Variants in NEK1 observed in about 807,000 individuals in gnomAD.
NEK1 encodes serine/threonine-protein kinase Nek1.
NEK1 carries 137 observed loss-of-function variants against 182.1 expected under a neutral mutation model. That is an observed-to-expected ratio of 0.75 (90% CI 0.65 to 0.87). The LOEUF (loss-of-function observed/expected upper bound fraction) is 0.87. NEK1 is among the 40% of genes least tolerant of loss of function. The pLI is 0.00. For missense variants in NEK1, 1,391 were observed against 1,494.4 expected (o/e 0.93, Z 1.14); for synonymous variants, 513 against 492.2 (o/e 1.04, Z -0.56).
chr4:169,467,294 G>A (rs925964118), intron 26 of NEK1, among the ~76,000 whole-genome samples: 1 of 151,852 alleles, frequency 6.6e-6, no homozygotes, highest in African/African-American at 2.4e-5. Context: ...GACTACACGG[G>A]GGATTCAACA....
At chr4:169,579,950 C>G (rs2150047620) in intron 11 of NEK1, among the ~76,000 whole-genome samples, 1 of 152,124 alleles carries the variant, frequency 6.6e-6, no homozygotes, top group East Asian at 1.9e-4. Context: ...AAACAATATA[C>G]CCTTCACGTA....
intron 27 of NEK1, among the ~76,000 whole-genome samples, chr4:169,446,772 G>A (rs564229527): frequency 3.3e-5 from 5 of 152,248 alleles, no homozygotes; most frequent in African/African-American, 9.6e-5. Flanking sequence ...GCATACTGAT[G>A]AATGCATAAG....
chr4:169,563,650 CCT>C (rs1763268105), intron 12 of NEK1, among the ~76,000 whole-genome samples: 2 of 152,088 alleles, frequency 1.3e-5, no homozygotes, highest in African/African-American at 2.4e-5. Context: ...ACAGCAAATC[CCT>C]CTGTCTTGTT....
intron 19 of NEK1, among the ~76,000 whole-genome samples, chr4:169,510,054 TTC>T (rs985387148): frequency 6.6e-6 from 1 of 152,172 alleles, no homozygotes; most frequent in Non-Finnish European, 1.5e-5. Context: ...AAAGTCTCTC[TTC>T]TCTTTCAGTA....
At chr4:169,421,866 G>T (rs1735537600) in intron 31 of NEK1, among the ~76,000 whole-genome samples, 1 of 152,260 alleles carries the variant, frequency 6.6e-6, no homozygotes, top group African/African-American at 2.4e-5. Flanking sequence ...AATCAGTAAA[G>T]ATGCAGAAGA....
At chr4:169,603,266 C>T (rs1396383103) in intron 2 of NEK1, among the ~76,000 whole-genome samples, 1 of 152,128 alleles carries the variant, frequency 6.6e-6, no homozygotes, top group Admixed American at 6.5e-5. Flanking sequence ...ACTAGGTACC[C>T]TCATTAACAC....
chr4:169,602,924 A>G (rs1770733658), intron 2 of NEK1, among the ~76,000 whole-genome samples: 1 of 152,164 alleles, frequency 6.6e-6, no homozygotes, highest in African/African-American at 2.4e-5. Context: ...AATACTGCAT[A>G]TACTTAATGT....
chr4:169,394,965 A>G (rs1178239582), intron 35 of NEK1, among the ~76,000 whole-genome samples: 1 of 152,208 alleles, frequency 6.6e-6, no homozygotes, highest in Non-Finnish European at 1.5e-5. Context: ...CAGATTTTCA[A>G]TATGATAAAA....
chr4:169,535,354 G>C (rs1758304514), intron 19 of NEK1, among the ~76,000 whole-genome samples: 1 of 151,590 alleles, frequency 6.6e-6, no homozygotes, highest in African/African-American at 2.4e-5. Flanking sequence ...ACCAATTTCT[G>C]AGATGGAAAA....
intron 13 of NEK1, 93 bp downstream of exon 13, chr4:169,562,044 A>C: frequency 8.5e-7 from 1 of 1,169,678 alleles, no homozygotes; most frequent in African/African-American, 1.6e-5. Context: ...GAAAGAAATA[A>C]GGAAAGGTTT....
chr4:169,449,594 C>A (rs1741310582), intron 27 of NEK1, among the ~76,000 whole-genome samples: 1 of 152,168 alleles, frequency 6.6e-6, no homozygotes, highest in African/African-American at 2.4e-5. Context: ...AGGGACCTGA[C>A]TATTAAAGGA....
Position 169,576,946 on chromosome 4 carries a change from T to C in NEK1, c.1002A>G (p.Pro334=), listed in dbSNP as rs1325931607. The C allele has an allele frequency of 7.5e-6, 12 of 1,607,128 alleles. No individual in the cohort carries two copies. The highest frequency in any genetic ancestry group is 1.0e-5 in the Non-Finnish European group (12 of 1,176,610). The change falls in exon 12 of 36, where the codon CCA becomes CCG. Residue 334 remains proline (P), a synonymous_variant. Transcript: ENST00000507142. ...ATCATACCTGTTTATGTTTTTGCAG[T>C]GGTTTCTTTTCGTGTAATTTTTTAT... ...YGDKKLHEKK[P]LQKHKQAHQT... is the part of the protein sequence containing the mutation.
Position 169,392,867 on chromosome 4 carries a change from C to G in NEK1, c.*1643G>C, listed in dbSNP as rs987310152. ...ATGCTTCCACATGTCAATTCCAACA[C>G]TTATAATAGACCTTACTGAAAAATA... On this transcript the variant is annotated 3_prime_UTR_variant, in exon 36 of 36. Transcript: ENST00000507142. The G allele has an allele frequency of 1.3e-5, 2 of 152,180 alleles. No homozygotes were observed. Among genetic ancestry groups the G allele is most frequent in the African/African-American group, 4.8e-5 (2 of 41,450 alleles). The allele number at this position is 152,180 out of a possible 1,614,324, so 9.4% of individuals were successfully genotyped here.
intron 19 of NEK1, among the ~76,000 whole-genome samples, chr4:169,537,412 C>T (rs1758682986): frequency 6.6e-6 from 1 of 152,118 alleles, no homozygotes. Context: ...ACTTATTTCC[C>T]ATTTTTCTTC....
intron 31 of NEK1, among the ~76,000 whole-genome samples, chr4:169,417,536 G>C (rs920359733): frequency 4.6e-5 from 7 of 152,184 alleles, no homozygotes; most frequent in Admixed American, 2.6e-4. Flanking sequence ...CTGTAGGAAA[G>C]AACTAGAGTA....
Position 169,433,611 on chromosome 4 carries a change from T to A in NEK1, c.2819A>T (p.Asp940Val), listed in dbSNP as rs1315428579. 6.2e-7 allele frequency: 1 copy of A among 1,613,458 alleles called. No individual in the cohort carries two copies. Among genetic ancestry groups the A allele is most frequent in the East Asian group, 2.2e-5 (1 of 44,782 alleles). Reference protein sequence around the residue: ...ILQEPSGTNKDESLPCTITDV... With the variant: ...ILQEPSGTNKVESLPCTITDV... ...AGTAATAGTGCATGGCAAGCTCTCA[T>A]CTTTGTTTGTTCCACTTGGCTCTTG... is the stretch of plus-strand genomic sequence containing the variant. Residue 940 changes from aspartate (D) to valine (V), a missense_variant, in exon 29 of 36, where the codon GAT becomes GTT. Physicochemically the swap from Asp to Val is radical, Grantham distance 152 (BLOSUM62 -3). Around this residue, in one of 5 missense-constraint regions of NEK1, gnomAD observed 1,216 missense variants for 1,277.6 expected, o/e 0.95. Transcript: ENST00000507142.
chr4:169,594,836 A>G (rs1769164531), intron 5 of NEK1, among the ~76,000 whole-genome samples: 2 of 152,346 alleles, frequency 1.3e-5, no homozygotes, highest in Middle Eastern at 3.4e-3. Flanking sequence ...TGCATGCTTT[A>G]GAGAAGGCCC....
chr4:169,406,907 AT>A (rs1188860381), intron 31 of NEK1, among the ~76,000 whole-genome samples, 160 bp from the exon 32 acceptor site: 1 of 150,852 alleles, frequency 6.6e-6, no homozygotes, highest in African/African-American at 2.4e-5. Flanking sequence ...CATATAAAAA[AT>A]ATATATATAT....
intron 22 of NEK1, 66 bp downstream of exon 22, chr4:169,507,649 G>A: frequency 8.5e-7 from 1 of 1,173,420 alleles, no homozygotes; most frequent in South Asian, 1.4e-5. Context: ...CAAAACTTAA[G>A]AACACAATTT....
Sources: allele counts gnomAD v4.1 joint callset (sites outside exome capture counted in the v4.1 genomes callset), GRCh38; gene constraint gnomAD v4.1.1; regional missense constraint gnomAD v4.1.1; transcripts MANE v1.5; gene names NCBI Gene and HGNC (gene_info 2026-07-23, HGNC 2026-07-21).